Variants in ZBTB10 observed in about 807,000 individuals in gnomAD.
ZBTB10 encodes the protein zinc finger and BTB domain containing 10.
In ZBTB10, 32 loss-of-function variants were observed where a neutral mutation model predicts 76.4. That is an observed-to-expected ratio of 0.42 (90% CI 0.32 to 0.56). The LOEUF (loss-of-function observed/expected upper bound fraction) is 0.56, where lower values mean the gene tolerates loss of function less well. Ranked by LOEUF, ZBTB10 falls within the 20% of genes least tolerant of loss-of-function variation. The pLI is 0.14. For missense variants in ZBTB10, 1,057 were observed against 1,098.5 expected (o/e 0.96, Z 0.53); for synonymous variants, 523 against 432.9 (o/e 1.21, Z -2.58).
chr8:80,499,654 A>AT lies in ZBTB10; in HGVS notation c.1134dup (p.Lys379Ter). 1 of 1,614,016 alleles carries AT rather than the reference A, an allele frequency of 6.2e-7. No homozygotes were observed. Among genetic ancestry groups the AT allele is most frequent in the Non-Finnish European group, 8.5e-7 (1 of 1,179,884 alleles). On this transcript the variant is annotated frameshift_variant, in exon 2 of 6. Transcript: ENST00000455036. LOFTEE classifies it high-confidence loss of function. Reference sequence around the variant, plus strand: ...GTAAGCGGAAAAATCTTCAAAGCTCATAAGAACATCCTGGTTGCAGGCAGC... The same window carrying AT: ...GTAAGCGGAAAAATCTTCAAAGCTCATTAAGAACATCCTGGTTGCAGGCAGC...
At chr8:80,501,464 A>T (rs1815922526) in intron 2 of ZBTB10, among the ~76,000 whole-genome samples, 1 of 152,190 alleles carries the variant, frequency 6.6e-6, no homozygotes, top group African/African-American at 2.4e-5. Flanking sequence ...ACTGTCATAC[A>T]TTATTTAATG....
chr8:80,497,472 T>TG (rs145467940), intron 1 of ZBTB10, among the ~76,000 whole-genome samples: 38,890 of 116,448 alleles, frequency 0.33, 6,350 homozygotes, highest in African/African-American at 0.53. Context: ...TATTATATGG[T>TG]GGGGGGGGGC....
intron 2 of ZBTB10, among the ~76,000 whole-genome samples, chr8:80,510,890 G>A (rs1055935960): frequency 6.6e-6 from 1 of 152,164 alleles, no homozygotes; most frequent in Non-Finnish European, 1.5e-5. Context: ...AGAAAAAGAT[G>A]ATGACCAAGA....
At chr8:80,502,970 T>C (rs1195554366) in intron 2 of ZBTB10, among the ~76,000 whole-genome samples, 1 of 152,214 alleles carries the variant, frequency 6.6e-6, no homozygotes, top group East Asian at 1.9e-4. Context: ...TGGATTCCAA[T>C]TTAATTGGTA....
intron 2 of ZBTB10, among the ~76,000 whole-genome samples, chr8:80,507,251 T>A (rs1219510329): frequency 6.7e-6 from 1 of 150,140 alleles, no homozygotes; most frequent in Non-Finnish European, 1.5e-5. Flanking sequence ...GAGGTTGCAG[T>A]GAGCCAAGAC....
chr8:80,502,492 C>T (rs1336551626), intron 2 of ZBTB10, among the ~76,000 whole-genome samples: 1 of 152,134 alleles, frequency 6.6e-6, no homozygotes, highest in Non-Finnish European at 1.5e-5. Context: ...CCTTGGCCTC[C>T]CAACATGTTG....
chr8:80,502,739 A>G (rs1039180141), intron 2 of ZBTB10, among the ~76,000 whole-genome samples: 1 of 60,502 alleles, frequency 1.7e-5, no homozygotes, highest in Non-Finnish European at 2.8e-5. Flanking sequence ...CTAAAACAGT[A>G]AAAAAAAAAA....
intron 1 of ZBTB10, among the ~76,000 whole-genome samples, chr8:80,491,290 AC>A (rs1315198991): frequency 2.0e-5 from 3 of 152,188 alleles, no homozygotes; most frequent in Admixed American, 6.5e-5. Flanking sequence ...AACATAGTGT[AC>A]AGATTTGTAG....
In ZBTB10 at chr8:80,523,020, TAAAA is replaced by T. The variant is rs1398584473; in HGVS notation, c.*3496_*3499del. 2.6e-5 allele frequency: 4 copies of T among 151,884 alleles called. No individual in the cohort carries two copies. The highest frequency in any genetic ancestry group is 2.9e-5 in the Non-Finnish European group (2 of 67,842). 9.4% of individuals were successfully genotyped at this position (151,884 alleles called of 1,614,324 possible). ...TAGATTCATTTTTCTGAAAAACGATTAAAAAAACTACCAATTTTTTTTTTGAGTG... is the reference window on the plus strand; with the variant it reads ...TAGATTCATTTTTCTGAAAAACGATTAAACTACCAATTTTTTTTTTGAGTG... On this transcript the variant is annotated 3_prime_UTR_variant, in exon 6 of 6. Coordinates refer to ENST00000455036, the MANE Select transcript of ZBTB10 (RefSeq NM_001105539.3).
rs377087465 is a variant in ZBTB10 at position 80,519,539 on chromosome 8, A to T, written c.*11A>T. On this transcript the variant is annotated 3_prime_UTR_variant, in exon 6 of 6. Coordinates refer to ENST00000455036, the MANE Select transcript of ZBTB10 (RefSeq NM_001105539.3). ...TCTCTAGATGATTAACTGACCTACT[A>T]TACTCCTCAAGGATGCTGCATTTGG... 4.6e-5 allele frequency: 73 copies of T among 1,599,224 alleles called. No homozygotes were observed. The African/African-American group carries it at 7.9e-4, about 17-fold the overall frequency.
intron 1 of ZBTB10, among the ~76,000 whole-genome samples, chr8:80,495,025 TCTC>T (rs1488296270): frequency 1.3e-5 from 2 of 152,056 alleles, no homozygotes; most frequent in Non-Finnish European, 2.9e-5. Flanking sequence ...CATAGGCATC[TCTC>T]CTCTTTGCTA....
intron 2 of ZBTB10, among the ~76,000 whole-genome samples, chr8:80,506,713 C>T (rs557412988): frequency 1.3e-5 from 2 of 152,262 alleles, no homozygotes; most frequent in African/African-American, 4.8e-5. Context: ...CTCCAGACCC[C>T]ACATGGGGTG....
chr8:80,519,658 AGGGTCAAAGC>A lies in ZBTB10; in HGVS notation c.*131_*140del. ...GTAGTTATGTTGCTGTGAAAACTGT[AGGGTCAAAGC>A]CTTATAGCAAAAAAAATTTTTTTTT... On this transcript the variant is annotated 3_prime_UTR_variant, in exon 6 of 6. Coordinates refer to ENST00000455036, the MANE Select transcript of ZBTB10 (RefSeq NM_001105539.3). The A allele has an allele frequency of 8.7e-7, 1 of 1,142,874 alleles. No homozygotes were observed. The highest frequency in any genetic ancestry group is 1.7e-5 in the South Asian group (1 of 60,190). 70.8% of individuals were successfully genotyped at this position (1,142,874 alleles called of 1,614,324 possible).
intron 2 of ZBTB10, among the ~76,000 whole-genome samples, chr8:80,511,311 A>C (rs1300225771): frequency 6.6e-6 from 1 of 152,244 alleles, no homozygotes; most frequent in Admixed American, 6.5e-5. Context: ...ATGCCTCTTA[A>C]GAGTTGAGGA....
At chr8:80,491,289 T>C (rs990527614) in intron 1 of ZBTB10, among the ~76,000 whole-genome samples, 1 of 152,188 alleles carries the variant, frequency 6.6e-6, no homozygotes, top group South Asian at 2.1e-4. Context: ...TAACATAGTG[T>C]ACAGATTTGT....
At chr8:80,488,061 T>C (rs956464422) in intron 1 of ZBTB10, among the ~76,000 whole-genome samples, 2 of 152,018 alleles carry the variant, frequency 1.3e-5, no homozygotes, top group African/African-American at 4.8e-5. Context: ...CTTATCAGAT[T>C]GAATCAAAAA....
At chr8:80,502,727 G>T (rs2131495142) in intron 2 of ZBTB10, among the ~76,000 whole-genome samples, 2 of 133,802 alleles carry the variant, frequency 1.5e-5, no homozygotes, top group Middle Eastern at 7.2e-3. Flanking sequence ...TACTGTAAAG[G>T]GCTAAAACAG....
chr8:80,487,795 C>T lies in ZBTB10; in HGVS notation c.972+13C>T, dbSNP rs775776573. 26 of 1,538,192 alleles carry T rather than the reference C, an allele frequency of 1.7e-5. No individual in the cohort carries two copies. The highest frequency in any genetic ancestry group is 2.0e-5 in the Non-Finnish European group (23 of 1,145,312). On this transcript the variant is annotated intron_variant, in intron 1 of 5. Transcript: ENST00000455036. Reference sequence around the variant, plus strand: ...AGCCAACGCCCAGGTACAGTATATCCTGCTCCTACTTTTTTGAGATCTTTT... The same window carrying T: ...AGCCAACGCCCAGGTACAGTATATCTTGCTCCTACTTTTTTGAGATCTTTT...
At chr8:80,494,627 A>T (rs1322526446) in intron 1 of ZBTB10, among the ~76,000 whole-genome samples, 1 of 152,118 alleles carries the variant, frequency 6.6e-6, no homozygotes, top group Non-Finnish European at 1.5e-5. Flanking sequence ...CCCTATTAAC[A>T]GTAGCTTTCC....
Sources: gnomAD v4.1 joint callset for allele counts (sites outside exome capture counted in the v4.1 genomes callset) on GRCh38, gnomAD v4.1.1 for gene constraint, MANE v1.5 for transcripts, NCBI Gene and HGNC (gene_info 2026-07-23, HGNC 2026-07-21) for gene names.